AFF1: variants seen among roughly 807,000 people sequenced by gnomAD.
AFF1 encodes ALF transcription elongation factor 1, also known as AF4/FMR2 family member 1.
In AFF1, 48 loss-of-function variants were observed where a neutral mutation model predicts 121.7. The observed-to-expected ratio is 0.39, with a 90% CI of 0.31 to 0.50. AFF1 has a LOEUF of 0.50. Ranked by LOEUF, AFF1 falls within the 20% of genes least tolerant of loss-of-function variation. The pLI, the probability that AFF1 is intolerant of heterozygous loss-of-function variation, is 0.76. For synonymous variants in AFF1, 613 were observed against 563.0 expected, an observed-to-expected ratio of 1.09 and a Z score of -1.26; for missense variants, 1,523 against 1,511.7, an observed-to-expected ratio of 1.01 and a Z score of -0.12.
At chr4:86,996,139 G>A (rs1205852058) in intron 2 of AFF1, among the ~76,000 whole-genome samples, 3 of 152,118 alleles carry the variant, frequency 2.0e-5, no homozygotes, top group Non-Finnish European at 2.9e-5. Flanking sequence ...CGCCCTGTCC[G>A]GGAGGTGAGG....
chr4:86,949,700 G>T, intron 2 of AFF1: 1 of 1,579,014 alleles, frequency 6.3e-7, no homozygotes, highest in Middle Eastern at 2.0e-4. Flanking sequence ...CATGCGCAGG[G>T]GCGGGTAGTC....
At chr4:86,967,273 G>A (rs1168716709) in intron 2 of AFF1, among the ~76,000 whole-genome samples, 1 of 152,168 alleles carries the variant, frequency 6.6e-6, no homozygotes, top group African/African-American at 2.4e-5. Flanking sequence ...AAAGAGAGAT[G>A]TGTGTTCCAG....
chr4:87,068,689 G>A (rs1013151699), intron 4 of AFF1, among the ~76,000 whole-genome samples: 7 of 152,156 alleles, frequency 4.6e-5, no homozygotes, highest in Non-Finnish European at 8.8e-5. Context: ...GCTAAGCAAC[G>A]GTGTACTTGA....
Position 86,985,522 on chromosome 4 carries a change from A to G in AFF1, c.38+36951A>G, listed in dbSNP as rs1327110102. On this transcript the variant is annotated intron_variant, in intron 2 of 20. Coordinates refer to ENST00000395146, the MANE Select transcript of AFF1 (RefSeq NM_001166693.3). ...GACACTGTCTCAAAAAAAAAAAAAAAAAATGTAGCTCGGCGTGGTGGCAGG... is the reference window on the plus strand; with the variant it reads ...GACACTGTCTCAAAAAAAAAAAAAAGAAATGTAGCTCGGCGTGGTGGCAGG... Among the ~76,000 whole-genome samples the G allele has an allele frequency of 3.3e-5, 5 of 151,002 alleles. No individual in the cohort carries two copies. The East Asian group carries it at 7.8e-4, about 24-fold the overall frequency.
rs1156817444 is a variant in AFF1, at chr4:87,022,543, GATATATATATAT to G, written c.39-23594_39-23583del. On this transcript the variant is annotated intron_variant, in intron 2 of 20. Transcript: ENST00000395146. ...ACGATGTTTTCTTCCCGTGCTTACA[GATATATATATAT>G]ATATATATATATATATATATATATA... 1.9e-3 allele frequency among the ~76,000 whole-genome samples: 154 copies of G among 80,180 alleles called. 6 individuals are homozygous for G. The highest frequency in any genetic ancestry group is 5.1e-3 in the East Asian group (10 of 1,948). 52.6% of individuals were successfully genotyped at this position (80,180 alleles called of 152,430 possible). A position where few individuals can be genotyped will look rare whatever the true frequency, so the allele number is the denominator to read the frequency against.
intron 4 of AFF1, among the ~76,000 whole-genome samples, chr4:87,078,172 G>A (rs796383934): frequency 6.6e-6 from 1 of 152,166 alleles, no homozygotes. Context: ...CGTGTGAAAA[G>A]TAGTTTCTCA....
intron 2 of AFF1, among the ~76,000 whole-genome samples, chr4:86,966,307 A>G (rs1578862191): frequency 6.6e-6 from 1 of 152,102 alleles, no homozygotes; most frequent in Non-Finnish European, 1.5e-5. Context: ...CTGAGACACA[A>G]TCTGGCTCCT....
At position 87,115,239 on chromosome 4, in the gene AFF1, G is replaced by A. The variant is rs755047245; in HGVS notation, c.2406G>A (p.Lys802=). Residue 802 remains lysine, a synonymous_variant, in exon 12 of 21, where the codon AAG becomes AAA. Coordinates refer to ENST00000395146, the MANE Select transcript of AFF1 (RefSeq NM_001166693.3). ...KAEDKQPPAG[K]KHSSEKRSSD... ...AAGATAAACAGCCGCCCGCAGGGAA[G>A]AAGCACAGCTCTGAGAAGAGGAGCT... The A allele has an allele frequency of 5.6e-6, 9 of 1,613,952 alleles. No homozygotes were observed. The highest frequency in any genetic ancestry group is 1.7e-5 in the Admixed American group (1 of 59,984).
At chr4:87,073,159 A>C (rs1167168757) in intron 4 of AFF1, among the ~76,000 whole-genome samples, 1 of 151,936 alleles carries the variant, frequency 6.6e-6, no homozygotes, top group East Asian at 1.9e-4. Flanking sequence ...GCTTAAATAA[A>C]TGATGTATAA....
At position 87,041,950 on chromosome 4, in the gene AFF1, G is replaced by C. The variant is rs1362236016; in HGVS notation, c.39-4216G>C. Among the ~76,000 whole-genome samples the C allele has an allele frequency of 3.3e-5, 5 of 151,764 alleles. No homozygotes were observed. In the East Asian group the frequency reaches 9.7e-4, roughly 29 times the overall value. On this transcript the variant is annotated intron_variant, in intron 2 of 20. Coordinates refer to ENST00000395146, the MANE Select transcript of AFF1 (RefSeq NM_001166693.3). ...GAATCACTTGAACCCAGGAGGCAGA[G>C]GTTGCAGTGAGCTGAGATCACTGCA...
At chr4:87,081,098 AG>A (rs1560606091) in intron 4 of AFF1, among the ~76,000 whole-genome samples, 1 of 151,584 alleles carries the variant, frequency 6.6e-6, no homozygotes, top group Non-Finnish European at 1.5e-5. Flanking sequence ...TCTGGGTAAA[AG>A]GTATGTGGGA....
chr4:87,108,046 G>A (rs1214970932), intron 10 of AFF1, 113 bp from the exon 11 acceptor site: 1 of 1,137,450 alleles, frequency 8.8e-7, no homozygotes, highest in Admixed American at 2.5e-5. Context: ...TAGTTTAGCA[G>A]TGTATCTAAT....
chr4:87,102,452 T>C (rs1009671082), intron 8 of AFF1, among the ~76,000 whole-genome samples: 3 of 152,216 alleles, frequency 2.0e-5, no homozygotes, highest in Non-Finnish European at 4.4e-5. Context: ...CTAACCATTG[T>C]GTAATACATT....
intron 2 of AFF1, among the ~76,000 whole-genome samples, chr4:87,018,475 T>C (rs1727575879): frequency 6.6e-6 from 1 of 152,216 alleles, no homozygotes; most frequent in Non-Finnish European, 1.5e-5. Flanking sequence ...AAGGTAATTG[T>C]CCTTCTAGAA....
chr4:87,000,676 G>A (rs571800168), intron 2 of AFF1, among the ~76,000 whole-genome samples: 2 of 148,472 alleles, frequency 1.3e-5, no homozygotes, highest in South Asian at 4.3e-4. Flanking sequence ...CTTGTTTGTA[G>A]ACTGATAATA....
At chr4:87,019,865 G>A (rs1301374340) in intron 2 of AFF1, among the ~76,000 whole-genome samples, 1 of 124,906 alleles carries the variant, frequency 8.0e-6, no homozygotes, top group Non-Finnish European at 1.7e-5. Context: ...CCAGACCTGT[G>A]ACTGGTGTCT....
At chr4:87,014,507 A>G (rs1727114834) in intron 2 of AFF1, among the ~76,000 whole-genome samples, 1 of 152,258 alleles carries the variant, frequency 6.6e-6, no homozygotes, top group Non-Finnish European at 1.5e-5. Context: ...TTAAAATTAT[A>G]GCAGATGTCA....
intron 4 of AFF1, among the ~76,000 whole-genome samples, chr4:87,080,338 A>G (rs759159257): frequency 1.3e-5 from 2 of 152,200 alleles, no homozygotes; most frequent in Non-Finnish European, 2.9e-5. Flanking sequence ...AGAAATGTTT[A>G]TTGTTGCTTT....
At chr4:87,020,540 A>C (rs1428320088) in intron 2 of AFF1, among the ~76,000 whole-genome samples, 1 of 152,122 alleles carries the variant, frequency 6.6e-6, no homozygotes, top group Non-Finnish European at 1.5e-5. Context: ...GCTGGAGTGC[A>C]GTGGCGCAAT....
Sources: allele counts gnomAD v4.1 joint callset (sites outside exome capture counted in the v4.1 genomes callset), GRCh38; gene constraint gnomAD v4.1.1; transcripts MANE v1.5; gene names NCBI Gene and HGNC (gene_info 2026-07-23, HGNC 2026-07-21).